Variants in DLGAP2 observed in about 807,000 individuals in gnomAD.
DLGAP2 encodes the protein DLG associated protein 2.
DLGAP2 carries 26 observed loss-of-function variants against 100.3 expected under a neutral mutation model. That is an observed-to-expected ratio of 0.26 (90% CI 0.19 to 0.36). The LOEUF is 0.36. Among genes scored for constraint, DLGAP2 ranks in the 10% least tolerant of loss-of-function variants. DLGAP2 has a pLI of 1.00. For synonymous variants in DLGAP2, 886 were observed against 630.1 expected (o/e 1.41, Z -6.08); for missense variants, 1,858 against 1,453.2 (o/e 1.28, Z -4.53).
At chr8:1,414,605 A>T (rs905040059) in intron 3 of DLGAP2, among the ~76,000 whole-genome samples, 39 of 152,320 alleles carry the variant, frequency 2.6e-4, no homozygotes, top group African/African-American at 9.1e-4. Context: ...GGAGGGACTG[A>T]GCGGAGCTGC....
At chr8:749,845 A>G (rs777668811) in intron 1 of DLGAP2, among the ~76,000 whole-genome samples, 20 of 152,192 alleles carry the variant, frequency 1.3e-4, no homozygotes, top group Non-Finnish European at 2.8e-4. Flanking sequence ...TGCTCCCTCC[A>G]GAGGTGTGGG....
chr8:1,223,381 C>T (rs933307877), intron 2 of DLGAP2, among the ~76,000 whole-genome samples: 8 of 152,196 alleles, frequency 5.3e-5, no homozygotes, highest in African/African-American at 1.4e-4. Flanking sequence ...GGCTCTTCTC[C>T]GCGGTGCTGC....
chr8:1,584,009 C>T (rs905309222), intron 6 of DLGAP2, among the ~76,000 whole-genome samples: 3 of 152,142 alleles, frequency 2.0e-5, no homozygotes, highest in African/African-American at 4.8e-5. Context: ...ACGTCCCCTG[C>T]AGCATATTTC....
At chr8:1,614,497 C>T (rs531593717) in intron 6 of DLGAP2, among the ~76,000 whole-genome samples, 5 of 152,338 alleles carry the variant, frequency 3.3e-5, no homozygotes, top group Admixed American at 2.6e-4. Context: ...GCTTGGACCC[C>T]GCTTTGTGTT....
chr8:1,085,206 G>A (rs1368800606), intron 2 of DLGAP2, among the ~76,000 whole-genome samples: 2 of 152,084 alleles, frequency 1.3e-5, no homozygotes, highest in Non-Finnish European at 2.9e-5. Flanking sequence ...TTCTTAATTG[G>A]ATAATTTCTT....
At chr8:1,027,650 A>G (rs867045537) in intron 2 of DLGAP2, among the ~76,000 whole-genome samples, 2,177 of 16,666 alleles carry the variant, frequency 0.13, no homozygotes, top group Admixed American at 0.2. Context: ...CAGGTGGGGT[A>G]CCAGGCGCCC....
chr8:898,847 A>G (rs901858032), intron 1 of DLGAP2, among the ~76,000 whole-genome samples: 2 of 152,160 alleles, frequency 1.3e-5, no homozygotes, highest in Non-Finnish European at 2.9e-5. Flanking sequence ...GAAGGGGGTT[A>G]ATGGAGTGGA....
intron 3 of DLGAP2, among the ~76,000 whole-genome samples, chr8:1,317,253 G>C (rs56017802): frequency 7.2e-6 from 1 of 138,900 alleles, no homozygotes; most frequent in Admixed American, 7.2e-5. Flanking sequence ...GAGCGTGTGC[G>C]AGTGCAGCGT....
At chr8:1,462,426 A>G (rs112060775) in intron 3 of DLGAP2, among the ~76,000 whole-genome samples, 2 of 88,464 alleles carry the variant, frequency 2.3e-5, no homozygotes, top group African/African-American at 8.2e-5. Flanking sequence ...CTGTCACAGG[A>G]CTGGGTGCAG....
intron 2 of DLGAP2, among the ~76,000 whole-genome samples, chr8:1,024,557 G>A (rs897332728): frequency 7.2e-5 from 11 of 152,194 alleles, no homozygotes; most frequent in African/African-American, 1.9e-4. Flanking sequence ...CTCTTCCCCC[G>A]CTGTGCCCTC....
intron 6 of DLGAP2, among the ~76,000 whole-genome samples, chr8:1,569,952 T>C (rs767213774): frequency 6.6e-6 from 1 of 152,160 alleles, no homozygotes; most frequent in Non-Finnish European, 1.5e-5. Flanking sequence ...CCCATGGCAC[T>C]GCTCTGTGGA....
intron 2 of DLGAP2, among the ~76,000 whole-genome samples, chr8:1,140,907 C>CG (rs974307343): frequency 6.6e-6 from 1 of 152,160 alleles, no homozygotes; most frequent in Non-Finnish European, 1.5e-5. Flanking sequence ...TCGCTTGAAC[C>CG]GGGGGGTGGA....
chr8:1,704,761 C>A lies in DLGAP2; in HGVS notation c.*3355C>A, dbSNP rs1299975975. ...AAAATATAATTACCTGTAAGGTTAT[C>A]TGGTTTTAAAAGAAAAAAAAAAAGC... On this transcript the variant is annotated 3_prime_UTR_variant, in exon 15 of 15. Transcript: ENST00000637795. 2.0e-5 allele frequency: 3 copies of A among 149,934 alleles called. No individual in the cohort carries two copies. Among genetic ancestry groups the A allele is most frequent in the Non-Finnish European group, 4.4e-5 (3 of 67,942 alleles). The allele number at this position is 149,934 out of a possible 1,614,324, so 9.3% of individuals were successfully genotyped here.
At chr8:874,558 A>G (rs1797655393) in intron 1 of DLGAP2, among the ~76,000 whole-genome samples, 1 of 152,252 alleles carries the variant, frequency 6.6e-6, no homozygotes, top group South Asian at 2.1e-4. Context: ...CATTGTGATT[A>G]GAGAAAACAA....
intron 12 of DLGAP2, among the ~76,000 whole-genome samples, chr8:1,685,639 G>A (rs956167621): frequency 6.6e-6 from 1 of 152,028 alleles, no homozygotes; most frequent in African/African-American, 2.4e-5. Flanking sequence ...AAACAGCAGA[G>A]TGAAAAGACA....
intron 2 of DLGAP2, among the ~76,000 whole-genome samples, chr8:1,215,024 A>G (rs1165827202): frequency 1.3e-5 from 2 of 152,196 alleles, no homozygotes; most frequent in Non-Finnish European, 2.9e-5. Context: ...TCTGTGTCTA[A>G]GTCTCATGGA....
At chr8:1,264,934 C>CTTTATGAAACTG (rs1799422529) in intron 3 of DLGAP2, among the ~76,000 whole-genome samples, 1 of 152,132 alleles carries the variant, frequency 6.6e-6, no homozygotes, top group Non-Finnish European at 1.5e-5. Flanking sequence ...AGGGCAGTTC[C>CTTTATGAAACTG]CCTGCACATG....
intron 4 of DLGAP2, among the ~76,000 whole-genome samples, chr8:1,547,946 C>A (rs1419074611): frequency 6.6e-6 from 1 of 152,220 alleles, no homozygotes; most frequent in Admixed American, 6.5e-5. Flanking sequence ...TATCACCCAT[C>A]AAGTACCAGA....
chr8:1,357,707 G>T (rs1293324003), intron 3 of DLGAP2, among the ~76,000 whole-genome samples: 4 of 152,174 alleles, frequency 2.6e-5, no homozygotes, highest in Non-Finnish European at 4.4e-5. Context: ...CGTCAGCCTT[G>T]CTGCGATACG....
Sources: allele counts gnomAD v4.1 joint callset (sites outside exome capture counted in the v4.1 genomes callset), GRCh38; gene constraint gnomAD v4.1.1; transcripts MANE v1.5; gene names NCBI Gene and HGNC (gene_info 2026-07-23, HGNC 2026-07-21).